Variants in KANSL1L observed in about 807,000 individuals in gnomAD.
KANSL1L encodes the protein KAT8 regulatory NSL complex subunit 1 like.
KANSL1L carries 25 observed loss-of-function variants against 108.6 expected under a neutral mutation model. That is an observed-to-expected ratio of 0.23 (90% CI 0.17 to 0.32). The LOEUF (loss-of-function observed/expected upper bound fraction) is 0.32, where lower values mean the gene tolerates loss of function less well. KANSL1L is among the 10% of genes least tolerant of loss of function. KANSL1L has a pLI of 1.00. For missense variants in KANSL1L, 1,137 were observed against 1,125.7 expected (o/e 1.01, Z -0.14); for synonymous variants, 405 against 395.1 (o/e 1.03, Z -0.30).
chr2:210,146,059 T>G (rs1157469714), intron 2 of KANSL1L, among the ~76,000 whole-genome samples: 1 of 152,080 alleles, frequency 6.6e-6, no homozygotes, highest in Non-Finnish European at 1.5e-5. Flanking sequence ...TGATGACTGT[T>G]GATCACCTCA....
intron 3 of KANSL1L, among the ~76,000 whole-genome samples, chr2:210,117,190 T>C (rs149999334): frequency 2.8e-4 from 43 of 152,066 alleles, no homozygotes; most frequent in Middle Eastern, 3.4e-3. Context: ...TGTGAAAATA[T>C]ACCTCAGAAG....
chr2:210,081,909 A>T (rs374277888), intron 5 of KANSL1L, among the ~76,000 whole-genome samples: 1 of 152,190 alleles, frequency 6.6e-6, no homozygotes, highest in East Asian at 1.9e-4. Flanking sequence ...TTTCCTTCTA[A>T]ATCTGACTCT....
At chr2:210,150,412 C>T (rs993909694) in intron 2 of KANSL1L, among the ~76,000 whole-genome samples, 1 of 151,968 alleles carries the variant, frequency 6.6e-6, no homozygotes, top group Non-Finnish European at 1.5e-5. Context: ...TTAGTGTTTC[C>T]TCACTAAATT....
chr2:210,153,816 T>C lies in KANSL1L; in HGVS notation c.767A>G (p.His256Arg), dbSNP rs2095318168. The C allele has an allele frequency of 1.9e-6, 3 of 1,613,462 alleles. No homozygotes were observed. The highest frequency in any genetic ancestry group is 2.5e-6 in the Non-Finnish European group (3 of 1,179,868). Residue 256 changes from histidine (H) to arginine (R), a missense_variant, in exon 2 of 15, where the codon CAC (histidine) becomes CGC (arginine). Physicochemically the swap from His to Arg is conservative, Grantham distance 29. This residue lies in a region of KANSL1L where 556 missense variants were observed against 537.7 expected (regional missense o/e 1.03). Coordinates refer to ENST00000281772, the MANE Select transcript of KANSL1L (RefSeq NM_152519.4). ...AGACAATTTCATCTGCTGACCATAGTGCTTAACAACATGCTTTGCCAGGAG... is the reference window on the plus strand; with the variant it reads ...AGACAATTTCATCTGCTGACCATAGCGCTTAACAACATGCTTTGCCAGGAG... The part of the protein sequence containing the change: ...QMLLAKHVVK[H>R]YGQQMKLSMK...
intron 4 of KANSL1L, among the ~76,000 whole-genome samples, chr2:210,098,875 G>A (rs2094764971): frequency 2.0e-5 from 3 of 150,298 alleles, no homozygotes; most frequent in Admixed American, 6.7e-5. Flanking sequence ...TTAAATATAT[G>A]TAATAAATAT....
At chr2:210,166,031 G>C (rs929246376) in intron 1 of KANSL1L, among the ~76,000 whole-genome samples, 2 of 152,108 alleles carry the variant, frequency 1.3e-5, no homozygotes, top group Admixed American at 1.3e-4. Context: ...AAAAAATAAA[G>C]TATATATAGG....
intron 6 of KANSL1L, among the ~76,000 whole-genome samples, chr2:210,074,682 T>G (rs1299824779): frequency 6.6e-6 from 1 of 152,204 alleles, no homozygotes; most frequent in African/African-American, 2.4e-5. Flanking sequence ...AAAGCTAATT[T>G]GTCAGAATCC....
intron 5 of KANSL1L, among the ~76,000 whole-genome samples, chr2:210,086,207 C>G (rs1386092368): frequency 1.3e-5 from 2 of 151,902 alleles, no homozygotes; most frequent in East Asian, 3.9e-4. Flanking sequence ...AATTTAATTT[C>G]ATGTCATATT....
At chr2:210,093,859 A>G (rs2094713416) in intron 5 of KANSL1L, among the ~76,000 whole-genome samples, 1 of 152,200 alleles carries the variant, frequency 6.6e-6, no homozygotes, top group Non-Finnish European at 1.5e-5. Flanking sequence ...AATGTTGTCT[A>G]TATAAAAATA....
At chr2:210,033,107 G>A (rs2094043506) in intron 8 of KANSL1L, among the ~76,000 whole-genome samples, 1 of 152,100 alleles carries the variant, frequency 6.6e-6, no homozygotes. Context: ...ACCGCAATGG[G>A]GTAACAAGAT....
intron 6 of KANSL1L, among the ~76,000 whole-genome samples, chr2:210,060,034 T>G (rs908156926): frequency 1.3e-5 from 2 of 152,206 alleles, no homozygotes; most frequent in Non-Finnish European, 2.9e-5. Flanking sequence ...TGAGCTATCA[T>G]GCCCAGCTTC....
At chr2:210,049,086 A>G (rs2094258846) in intron 6 of KANSL1L, among the ~76,000 whole-genome samples, 1 of 152,162 alleles carries the variant, frequency 6.6e-6, no homozygotes, top group South Asian at 2.1e-4. Flanking sequence ...CAAAGTCTAT[A>G]GCCGGCCATT....
chr2:210,077,094 A>G (rs1324534333), intron 5 of KANSL1L, among the ~76,000 whole-genome samples: 1 of 152,202 alleles, frequency 6.6e-6, no homozygotes, highest in Admixed American at 6.5e-5. Context: ...TTACATAGTA[A>G]TAAGAAACCA....
chr2:210,139,077 C>A (rs2125583008), intron 2 of KANSL1L, among the ~76,000 whole-genome samples: 1 of 152,080 alleles, frequency 6.6e-6, no homozygotes, highest in African/African-American at 2.4e-5. Context: ...CCAGCCTGGG[C>A]AACAAAGCAA....
At chr2:210,058,292 C>T (rs1402336726) in intron 6 of KANSL1L, among the ~76,000 whole-genome samples, 5 of 152,110 alleles carry the variant, frequency 3.3e-5, no homozygotes, top group Admixed American at 1.3e-4. Context: ...AGGAAATTCC[C>T]ACCTAATAAA....
At chr2:210,040,634 C>A in intron 7 of KANSL1L, 107 bp from the exon 8 acceptor site, 1 of 497,822 alleles carries the variant, frequency 2.0e-6, no homozygotes, top group South Asian at 4.7e-5. Flanking sequence ...AGCACATAAG[C>A]TTAAGAAAAT....
intron 3 of KANSL1L, among the ~76,000 whole-genome samples, chr2:210,112,411 C>T (rs2094916168): frequency 6.6e-6 from 1 of 152,178 alleles, no homozygotes; most frequent in South Asian, 2.1e-4. Context: ...CAGTAGACTT[C>T]TCCTCAGTAT....
At chr2:210,037,322 T>C (rs1256584348) in intron 8 of KANSL1L, among the ~76,000 whole-genome samples, 1 of 152,224 alleles carries the variant, frequency 6.6e-6, no homozygotes, top group Non-Finnish European at 1.5e-5. Context: ...TTGGCCATGA[T>C]ACTTATCATC....
chr2:210,075,428 T>C lies in KANSL1L; in HGVS notation c.1755+124A>G. On this transcript the variant is annotated intron_variant, in intron 6 of 14. Coordinates refer to ENST00000281772, the MANE Select transcript of KANSL1L (RefSeq NM_152519.4). ...CTATATCATTTTTAAACTATATTTGTAAGTTTTCTACATGTAATTATTCAA... is the reference window on the plus strand; with the variant it reads ...CTATATCATTTTTAAACTATATTTGCAAGTTTTCTACATGTAATTATTCAA... 4.6e-6 allele frequency: 3 copies of C among 655,992 alleles called. 1 individual carries two copies. The South Asian group carries it at 6.2e-5, about 14-fold the overall frequency. 40.6% of individuals were successfully genotyped at this position (655,992 alleles called of 1,614,324 possible).
Sources: allele counts gnomAD v4.1 joint callset (sites outside exome capture counted in the v4.1 genomes callset), GRCh38; gene constraint gnomAD v4.1.1; regional missense constraint gnomAD v4.1.1; transcripts MANE v1.5; gene names NCBI Gene and HGNC (gene_info 2026-07-23, HGNC 2026-07-21).